IGF2BP2: variants seen among roughly 807,000 people sequenced by gnomAD.
IGF2BP2 encodes the protein insulin like growth factor 2 mRNA binding protein 2.
A neutral mutation model predicts 75.8 loss-of-function variants in IGF2BP2; 17 were observed. That is an observed-to-expected ratio of 0.22 (90% CI 0.15 to 0.34). The LOEUF (loss-of-function observed/expected upper bound fraction) is 0.34, where lower values mean the gene tolerates loss of function less well. Ranked by LOEUF, IGF2BP2 falls within the 10% of genes least tolerant of loss-of-function variation. IGF2BP2 has a pLI of 1.00. For missense variants in IGF2BP2, 516 were observed against 772.4 expected (o/e 0.67, Z 3.93); for synonymous variants, 288 against 295.6 (o/e 0.97, Z 0.26).
At position 185,752,990 on chromosome 3, in the gene IGF2BP2, G is replaced by C. The variant is rs563724900; in HGVS notation, c.240-54643C>G. On this transcript the variant is annotated intron_variant, in intron 2 of 15. Transcript: ENST00000382199. ...CATTCACAACAGAGAGAATGCAGGGGGCTGAGGGTGGTAGTAGGGGAGACA... is the reference window on the plus strand; with the variant it reads ...CATTCACAACAGAGAGAATGCAGGGCGCTGAGGGTGGTAGTAGGGGAGACA... Among the ~76,000 whole-genome samples the C allele has an allele frequency of 5.9e-5, 9 of 152,264 alleles. No homozygotes were observed. In the South Asian group the frequency reaches 1.5e-3, roughly 25 times the overall value.
chr3:185,744,782 C>T (rs202132966), intron 2 of IGF2BP2, among the ~76,000 whole-genome samples: 1 of 152,114 alleles, frequency 6.6e-6, no homozygotes, highest in African/African-American at 2.4e-5. Context: ...GCACTCCAGG[C>T]GGGGAGACAG....
intron 2 of IGF2BP2, among the ~76,000 whole-genome samples, chr3:185,763,190 G>C (rs190064977): frequency 2.0e-5 from 3 of 152,172 alleles, no homozygotes; most frequent in Admixed American, 6.5e-5. Flanking sequence ...ATAAACCTGG[G>C]TTGAGAATCA....
At chr3:185,805,620 G>T (rs1738915492) in intron 2 of IGF2BP2, among the ~76,000 whole-genome samples, 1 of 152,068 alleles carries the variant, frequency 6.6e-6, no homozygotes, top group South Asian at 2.1e-4. Context: ...ATTTCTTTGG[G>T]TGCATATCCA....
intron 13 of IGF2BP2, among the ~76,000 whole-genome samples, chr3:185,650,741 A>C (rs922488808): frequency 5.3e-5 from 8 of 152,154 alleles, no homozygotes; most frequent in Non-Finnish European, 1.2e-4. Flanking sequence ...TTGTGCAATC[A>C]TCACCATTAT....
intron 5 of IGF2BP2, 117 bp from the exon 6 acceptor site, chr3:185,689,744 G>A (rs1211272825): frequency 3.6e-6 from 4 of 1,096,022 alleles, no homozygotes; most frequent in Non-Finnish European, 5.5e-6. Flanking sequence ...CGAGGCGGGT[G>A]GATCACGAGG....
At chr3:185,792,186 A>C (rs1736729345) in intron 2 of IGF2BP2, among the ~76,000 whole-genome samples, 1 of 152,240 alleles carries the variant, frequency 6.6e-6, no homozygotes, top group Non-Finnish European at 1.5e-5. Flanking sequence ...TCCTGTTAAA[A>C]AGTAGATGAT....
intron 2 of IGF2BP2, among the ~76,000 whole-genome samples, chr3:185,773,943 G>A (rs948304744): frequency 3.3e-5 from 5 of 152,142 alleles, no homozygotes; most frequent in South Asian, 2.1e-4. Flanking sequence ...CCTTCGCGGA[G>A]ATCTTCTCAC....
intron 2 of IGF2BP2, among the ~76,000 whole-genome samples, chr3:185,775,110 G>A (rs1403762089): frequency 6.6e-6 from 1 of 152,110 alleles, no homozygotes; most frequent in Non-Finnish European, 1.5e-5. Context: ...AAGCTCTATG[G>A]TCTCAGTTTC....
intron 2 of IGF2BP2, chr3:185,821,248 G>A: frequency 2.4e-6 from 2 of 826,846 alleles, no homozygotes; most frequent in Non-Finnish European, 3.5e-6. Flanking sequence ...GCATACATTT[G>A]GAATGTTAAA....
chr3:185,689,101 C>A (rs957723892), intron 6 of IGF2BP2: 1 of 468,372 alleles, frequency 2.1e-6, no homozygotes, highest in Non-Finnish European at 3.8e-6. Context: ...AGCATTAGTT[C>A]GCTTACAGGA....
At chr3:185,704,063 G>C (rs1166344446) in intron 2 of IGF2BP2, among the ~76,000 whole-genome samples, 1 of 152,198 alleles carries the variant, frequency 6.6e-6, no homozygotes, top group African/African-American at 2.4e-5. Flanking sequence ...AGAGGGCCTT[G>C]TGAGAGCGTC....
chr3:185,807,342 G>A (rs1739160990), intron 2 of IGF2BP2, among the ~76,000 whole-genome samples: 2 of 152,266 alleles, frequency 1.3e-5, no homozygotes, highest in South Asian at 2.1e-4. Flanking sequence ...TTAGGCCTTA[G>A]TTCTCTAATT....
chr3:185,692,300 G>C (rs888009793), intron 5 of IGF2BP2, among the ~76,000 whole-genome samples: 2 of 152,192 alleles, frequency 1.3e-5, no homozygotes, highest in African/African-American at 4.8e-5. Flanking sequence ...GGAAGCTCTA[G>C]GTAAAAGTGG....
At chr3:185,661,428 G>C (rs991038341) in intron 10 of IGF2BP2, among the ~76,000 whole-genome samples, 4 of 151,966 alleles carry the variant, frequency 2.6e-5, no homozygotes, top group Non-Finnish European at 5.9e-5. Flanking sequence ...TTTGAGGTCA[G>C]CAGTTCAAGA....
At chr3:185,656,108 C>A (rs1715396401) in intron 12 of IGF2BP2, among the ~76,000 whole-genome samples, 1 of 152,250 alleles carries the variant, frequency 6.6e-6, no homozygotes, top group Non-Finnish European at 1.5e-5. Context: ...CTTTCTCCTG[C>A]CGGCATCTCA....
chr3:185,744,583 G>A (rs1159817661), intron 2 of IGF2BP2, among the ~76,000 whole-genome samples: 4 of 152,166 alleles, frequency 2.6e-5, no homozygotes, highest in Non-Finnish European at 5.9e-5. Context: ...CAAGGCGGGT[G>A]GATCACTTGA....
At chr3:185,749,263 T>C (rs562414024) in intron 2 of IGF2BP2, among the ~76,000 whole-genome samples, 7 of 152,336 alleles carry the variant, frequency 4.6e-5, no homozygotes, top group African/African-American at 1.4e-4. Context: ...CAAGGCTCTG[T>C]TGTAAAGGAT....
chr3:185,742,598 G>A lies in IGF2BP2; in HGVS notation c.240-44251C>T, dbSNP rs1419585925. Among the ~76,000 whole-genome samples the A allele has an allele frequency of 2.0e-5, 3 of 151,636 alleles. No homozygotes were observed. In the South Asian group the frequency reaches 6.3e-4, roughly 32 times the overall value. On this transcript the variant is annotated intron_variant, in intron 2 of 15. Transcript: ENST00000382199. Reference sequence around the variant, plus strand: ...CTCGAGCCCAGGAGTTTGAGGTTACGGTGAGCTATGATCACCCCACTGCAC... The same window carrying A: ...CTCGAGCCCAGGAGTTTGAGGTTACAGTGAGCTATGATCACCCCACTGCAC...
At chr3:185,779,074 A>G (rs2149792527) in intron 2 of IGF2BP2, among the ~76,000 whole-genome samples, 1 of 147,010 alleles carries the variant, frequency 6.8e-6, no homozygotes, top group Non-Finnish European at 1.5e-5. Flanking sequence ...CAGATATGGA[A>G]CAAAGCTTTT....
Sources: allele counts gnomAD v4.1 joint callset (sites outside exome capture counted in the v4.1 genomes callset), GRCh38; gene constraint gnomAD v4.1.1; transcripts MANE v1.5; gene names NCBI Gene and HGNC (gene_info 2026-07-23, HGNC 2026-07-21).